RBFOX1: variants seen among roughly 807,000 people sequenced by gnomAD.
The protein encoded by RBFOX1 is RNA binding protein fox-1 homolog 1.
Under a neutral mutation model 57.7 loss-of-function variants are expected in RBFOX1, and 8 were observed. That is an observed-to-expected ratio of 0.14 (90% CI 0.08 to 0.25). The LOEUF (loss-of-function observed/expected upper bound fraction) is 0.25. Among genes scored for constraint, RBFOX1 ranks in the 10% least tolerant of loss-of-function variants. The pLI, the probability that RBFOX1 is intolerant of heterozygous loss-of-function variation, is 1.00. For synonymous variants in RBFOX1, 326 were observed against 222.4 expected (o/e 1.47, Z -4.15); for missense variants, 611 against 548.5 (o/e 1.11, Z -1.14).
chr16:5,783,612 AC>A (rs1292024564), intron 3 of RBFOX1, among the ~76,000 whole-genome samples: 1 of 152,146 alleles, frequency 6.6e-6, no homozygotes, highest in African/African-American at 2.4e-5. Flanking sequence ...TTGTTTTCAG[AC>A]TTTACACACC....
At chr16:7,007,177 G>C (rs2093352500) in intron 3 of RBFOX1, among the ~76,000 whole-genome samples, 1 of 152,150 alleles carries the variant, frequency 6.6e-6, no homozygotes, top group Admixed American at 6.5e-5. Context: ...TTATTTCCTT[G>C]CAGCTGTAAA....
rs2058515163 is a variant in RBFOX1 at position 5,908,167 on chromosome 16, CACATATAT to C, written c.351+40836_351+40843del. On this transcript the variant is annotated intron_variant, in intron 4 of 19. Coordinates refer to the RBFOX1 transcript ENST00000641259. The stretch of plus-strand genomic sequence containing the variant: ...ATACACATATATACACATATATATA[CACATATAT>C]ACACATATATACACATATATACATA... 8.6e-5 allele frequency among the ~76,000 whole-genome samples: 8 copies of C among 92,902 alleles called. No homozygotes were observed. The East Asian group carries it at 2.1e-3, about 25-fold the overall frequency. The allele number at this position is 92,902 out of a possible 152,430, so 60.9% of individuals were successfully genotyped here.
chr16:5,394,494 C>G (rs1369813952), intron 1 of RBFOX1, among the ~76,000 whole-genome samples: 1 of 151,866 alleles, frequency 6.6e-6, no homozygotes, highest in Non-Finnish European at 1.5e-5. Flanking sequence ...TGAAACATAT[C>G]TCAAATCTCT....
intron 1 of RBFOX1, among the ~76,000 whole-genome samples, chr16:6,172,394 C>T (rs113475060): frequency 7.9e-5 from 12 of 152,270 alleles, no homozygotes; most frequent in African/African-American, 2.6e-4. Flanking sequence ...CTTCATCTCT[C>T]GTTTACAGTT....
Position 6,097,637 on chromosome 16 carries a change from G to A in RBFOX1, c.-127+77645G>A, listed in dbSNP as rs574547469. Among the ~76,000 whole-genome samples, 1 of 152,246 alleles carries A rather than the reference G, an allele frequency of 6.6e-6. No individual in the cohort carries two copies. Among genetic ancestry groups the A allele is most frequent in the African/African-American group, 2.4e-5 (1 of 41,536 alleles). On this transcript the variant is annotated intron_variant, in intron 1 of 15. Transcript: ENST00000550418. This position sits in a 1 kb window ranked among gnomAD's most constrained non-coding sequence, Gnocchi z 5.0. Reference sequence around the variant, plus strand: ...GAAAAATGAGTCAGTAGGAGGAAAAGTGATTGACTCAAGTGCTTAATAAGT... The same window carrying A: ...GAAAAATGAGTCAGTAGGAGGAAAAATGATTGACTCAAGTGCTTAATAAGT...
At chr16:5,459,707 C>T (rs2068733310) in intron 1 of RBFOX1, among the ~76,000 whole-genome samples, 1 of 152,110 alleles carries the variant, frequency 6.6e-6, no homozygotes, top group Non-Finnish European at 1.5e-5. Flanking sequence ...CTCCCCGACT[C>T]ACAGCACACA....
At chr16:5,958,817 T>C (rs2059695948) in intron 4 of RBFOX1, among the ~76,000 whole-genome samples, 1 of 152,176 alleles carries the variant, frequency 6.6e-6, no homozygotes, top group African/African-American at 2.4e-5. Context: ...CGCTAATCTC[T>C]GATACTATTG....
chr16:6,966,899 CCA>C (rs1568129818), intron 3 of RBFOX1, among the ~76,000 whole-genome samples: 1 of 142,696 alleles, frequency 7.0e-6, no homozygotes, highest in African/African-American at 2.5e-5. Flanking sequence ...ATCTCTCCAT[CCA>C]TCCATCCATC....
intron 4 of RBFOX1, among the ~76,000 whole-genome samples, chr16:7,356,221 T>C (rs1344843103): frequency 1.3e-5 from 2 of 152,152 alleles, no homozygotes; most frequent in Non-Finnish European, 2.9e-5. Context: ...CACTGAATAG[T>C]GAGTCAAGAC....
intron 3 of RBFOX1, among the ~76,000 whole-genome samples, chr16:5,719,202 CT>C (rs34350208): frequency 0.12 from 14,485 of 119,836 alleles, 600 homozygotes; most frequent in East Asian, 0.28. Context: ...ATATTAGAAT[CT>C]TTTTTTTTTT....
At chr16:7,235,796 C>T (rs948156151) in intron 4 of RBFOX1, among the ~76,000 whole-genome samples, 11 of 152,170 alleles carry the variant, frequency 7.2e-5, no homozygotes, top group Admixed American at 6.5e-4. Context: ...CCTGTGCTAG[C>T]CTGAACTAAA....
intron 3 of RBFOX1, among the ~76,000 whole-genome samples, chr16:7,001,990 G>T (rs2092854122): frequency 6.6e-6 from 1 of 152,078 alleles, no homozygotes; most frequent in African/African-American, 2.4e-5. Flanking sequence ...TGAACTCCTG[G>T]TGTTTAGAGT....
chr16:7,368,497 A>T (rs2147150739), intron 4 of RBFOX1, among the ~76,000 whole-genome samples: 1 of 151,942 alleles, frequency 6.6e-6, no homozygotes, highest in East Asian at 1.9e-4. Context: ...AAAAAATTGG[A>T]GCCGGGAACA....
intron 1 of RBFOX1, among the ~76,000 whole-genome samples, chr16:6,218,695 T>C (rs540185917): frequency 2.0e-5 from 3 of 152,318 alleles, no homozygotes; most frequent in Non-Finnish European, 4.4e-5. Context: ...ATCATTGTTC[T>C]ACATGGAAAA....
intron 4 of RBFOX1, among the ~76,000 whole-genome samples, chr16:7,096,706 T>C (rs552461105): frequency 6.6e-6 from 1 of 152,022 alleles, no homozygotes; most frequent in Admixed American, 6.5e-5. Context: ...CTGACGCAGG[T>C]ATATCACCTG....
chr16:7,400,684 T>A (rs2098226741), intron 4 of RBFOX1, among the ~76,000 whole-genome samples: 1 of 152,166 alleles, frequency 6.6e-6, no homozygotes, highest in Non-Finnish European at 1.5e-5. Flanking sequence ...TTGGATGATG[T>A]CCACAGAGCT....
At chr16:5,661,177 C>T (rs961907072) in intron 3 of RBFOX1, among the ~76,000 whole-genome samples, 1 of 152,170 alleles carries the variant, frequency 6.6e-6, no homozygotes, top group Admixed American at 6.5e-5. Flanking sequence ...AATCTACTTT[C>T]CCAACTTTAA....
intron 4 of RBFOX1, among the ~76,000 whole-genome samples, chr16:6,001,593 A>G (rs1372874305): frequency 2.0e-5 from 3 of 152,230 alleles, no homozygotes; most frequent in East Asian, 1.9e-4. Flanking sequence ...TGGATTTTAG[A>G]TACTACAGAG....
intron 4 of RBFOX1, among the ~76,000 whole-genome samples, chr16:5,872,829 C>G (rs1394907714): frequency 2.0e-5 from 3 of 152,150 alleles, no homozygotes; most frequent in African/African-American, 4.8e-5. Context: ...TGCTTCCATA[C>G]AAAGTCCCCC....
Sources: gnomAD v4.1 joint callset for allele counts (sites outside exome capture counted in the v4.1 genomes callset) on GRCh38, gnomAD v4.1.1 for gene constraint, Gnocchi (gnomAD v3.1) non-coding constraint, MANE v1.5 for transcripts, NCBI Gene and HGNC (gene_info 2026-07-23, HGNC 2026-07-21) for gene names.